The following ASB3 variants were observed in gnomAD, a reference collection of about 807,000 sequenced individuals.
The protein encoded by ASB3 is ankyrin repeat and SOCS box protein 3.
A neutral mutation model predicts 54.5 loss-of-function variants in ASB3; 41 were observed. That is an observed-to-expected ratio of 0.75 (90% CI 0.59 to 0.98). The LOEUF is 0.98. ASB3 is among the 50% of genes least tolerant of loss of function. ASB3 has a pLI of 0.00. For missense variants in ASB3, 733 were observed against 620.0 expected (o/e 1.18, Z -1.94); for synonymous variants, 266 against 221.2 (o/e 1.20, Z -1.80).
intron 3 of ASB3, among the ~76,000 whole-genome samples, chr2:53,733,139 T>A (rs115146382): frequency 6.6e-6 from 1 of 152,124 alleles, no homozygotes; most frequent in East Asian, 1.9e-4. Context: ...TCCATGGAGA[T>A]AGTGGGAATA....
At chr2:53,729,599 G>T (rs953300053) in intron 3 of ASB3, 29 bp from the exon 4 acceptor site, 1 of 1,603,768 alleles carries the variant, frequency 6.2e-7, no homozygotes, top group Non-Finnish European at 8.5e-7. Context: ...AAAAATTAAT[G>T]TCAGCAAAAA....
At chr2:53,680,637 T>C (rs140149558) in intron 9 of ASB3, among the ~76,000 whole-genome samples, 4,457 of 152,288 alleles carry the variant, frequency 0.029, 223 homozygotes, top group African/African-American at 0.1. Flanking sequence ...GTACATGAGA[T>C]ACTTTGATAC....
At position 53,737,856 on chromosome 2, in the gene ASB3, C is replaced by T. The variant is rs566459991; in HGVS notation, c.356-8286G>A. Among the ~76,000 whole-genome samples the T allele has an allele frequency of 3.3e-5, 5 of 151,712 alleles. No individual in the cohort carries two copies. In the South Asian group the frequency reaches 8.3e-4, roughly 25 times the overall value. On this transcript the variant is annotated intron_variant, in intron 3 of 9. Coordinates refer to ENST00000263634, the MANE Select transcript of ASB3 (RefSeq NM_016115.5). Reference sequence around the variant, plus strand: ...ATACCCTGAATTTTTTAAAACACATCAGAATAAAAATCAAACTGAACACTG... The same window carrying T: ...ATACCCTGAATTTTTTAAAACACATTAGAATAAAAATCAAACTGAACACTG...
At chr2:53,696,737 T>A (rs1387842335) in intron 8 of ASB3, among the ~76,000 whole-genome samples, 1 of 152,050 alleles carries the variant, frequency 6.6e-6, no homozygotes, top group Admixed American at 6.6e-5. Context: ...CAATAAAAAA[T>A]AACACAAATT....
chr2:53,712,184 C>A (rs1237712764), intron 7 of ASB3, among the ~76,000 whole-genome samples: 3 of 151,532 alleles, frequency 2.0e-5, no homozygotes, highest in Middle Eastern at 3.4e-3. Flanking sequence ...AAAATAGGAA[C>A]CTTCCCTTCC....
At chr2:53,782,221 T>C (rs1299005011) in intron 1 of ASB3, among the ~76,000 whole-genome samples, 3 of 152,088 alleles carry the variant, frequency 2.0e-5, no homozygotes. Flanking sequence ...ACTCACTCTA[T>C]GCAAGGCAAA....
intron 1 of ASB3, among the ~76,000 whole-genome samples, chr2:53,777,850 A>T (rs1033141484): frequency 2.2e-4 from 34 of 152,220 alleles, no homozygotes; most frequent in African/African-American, 8.0e-4. Context: ...TTTTTTAAAA[A>T]GTGTAAGCAA....
At chr2:53,765,886 C>T (rs562701339) in intron 1 of ASB3, among the ~76,000 whole-genome samples, 51 of 151,890 alleles carry the variant, frequency 3.4e-4, no homozygotes, top group Non-Finnish European at 6.6e-4. Flanking sequence ...CTGTTCATAC[C>T]CCACCACAAC....
At chr2:53,725,531 C>T (rs1670947146) in intron 5 of ASB3, among the ~76,000 whole-genome samples, 1 of 152,182 alleles carries the variant, frequency 6.6e-6, no homozygotes, top group African/African-American at 2.4e-5. Context: ...GCTAACCTCA[C>T]TTTTTGTGAA....
intron 8 of ASB3, among the ~76,000 whole-genome samples, chr2:53,695,406 T>C (rs1455254260): frequency 6.6e-6 from 1 of 152,050 alleles, no homozygotes; most frequent in African/African-American, 2.4e-5. Context: ...ATAAATGAAA[T>C]GATACAATAT....
chr2:53,746,367 G>C (rs1164678482), intron 3 of ASB3, among the ~76,000 whole-genome samples: 1 of 152,042 alleles, frequency 6.6e-6, no homozygotes, highest in Admixed American at 6.6e-5. Flanking sequence ...ATGCAGAGAA[G>C]ACACTGACAC....
intron 7 of ASB3, among the ~76,000 whole-genome samples, chr2:53,710,344 G>T (rs184731640): frequency 6.6e-6 from 1 of 152,028 alleles, no homozygotes. Flanking sequence ...GTATTTTTCC[G>T]TCTTTTTTAT....
chr2:53,786,276 G>T (rs1674992271), intron 1 of ASB3: 1 of 152,120 alleles, frequency 6.6e-6, no homozygotes. Context: ...CTCACATAAG[G>T]AACCTTACCA....
At chr2:53,767,570 T>C (rs1673553942) in intron 1 of ASB3, 2 of 258,530 alleles carry the variant, frequency 7.7e-6, no homozygotes, top group Non-Finnish European at 1.5e-5. Context: ...CCAAAAAGCA[T>C]TGTGGGTATT....
At chr2:53,752,659 C>CT (rs1238140759) in intron 2 of ASB3, among the ~76,000 whole-genome samples, 1 of 152,256 alleles carries the variant, frequency 6.6e-6, no homozygotes, top group Non-Finnish European at 1.5e-5. Flanking sequence ...GCTGTCTCCT[C>CT]TCTCTATCAG....
intron 5 of ASB3, among the ~76,000 whole-genome samples, chr2:53,721,451 G>A (rs1670708303): frequency 6.7e-6 from 1 of 148,446 alleles, no homozygotes; most frequent in Admixed American, 6.7e-5. Flanking sequence ...TGTGCCTATA[G>A]TCCCAGCTAC....
chr2:53,725,829 A>G (rs1670963757), intron 5 of ASB3, among the ~76,000 whole-genome samples: 1 of 152,210 alleles, frequency 6.6e-6, no homozygotes, highest in African/African-American at 2.4e-5. Context: ...GATAGAAACT[A>G]GAAACTTCAT....
At chr2:53,679,844 C>T (rs965378740) in intron 9 of ASB3, among the ~76,000 whole-genome samples, 1 of 152,066 alleles carries the variant, frequency 6.6e-6, no homozygotes, top group African/African-American at 2.4e-5. Context: ...TTTTGTCACC[C>T]AGGTATTAAG....
At chr2:53,685,003 A>G (rs1668560474) in intron 9 of ASB3, among the ~76,000 whole-genome samples, 1 of 152,142 alleles carries the variant, frequency 6.6e-6, no homozygotes, top group African/African-American at 2.4e-5. Flanking sequence ...GAAGTGTAGT[A>G]TTTAGGAAAA....
Sources: gnomAD v4.1 joint callset for allele counts (sites outside exome capture counted in the v4.1 genomes callset) on GRCh38, gnomAD v4.1.1 for gene constraint, MANE v1.5 for transcripts, NCBI Gene and HGNC (gene_info 2026-07-23, HGNC 2026-07-21) for gene names.